The following SGCZ variants were observed in gnomAD, a reference collection of about 807,000 sequenced individuals.
SGCZ encodes sarcoglycan zeta.
SGCZ carries 40 observed loss-of-function variants against 41.3 expected under a neutral mutation model. That is an observed-to-expected ratio of 0.97 (90% CI 0.75 to 1.26). The LOEUF (loss-of-function observed/expected upper bound fraction) is 1.26. Among genes scored for constraint, SGCZ ranks in the 50% most tolerant of loss-of-function variants. The pLI, the probability that SGCZ is intolerant of heterozygous loss-of-function variation, is 0.00. For missense variants in SGCZ, 552 were observed against 369.8 expected (o/e 1.49, Z -4.04); for synonymous variants, 206 against 137.5 (o/e 1.50, Z -3.49).
At position 14,312,787 on chromosome 8, in the gene SGCZ, T is replaced by G. The variant is rs897312330; in HGVS notation, c.336+11316A>C. 7.2e-5 allele frequency among the ~76,000 whole-genome samples: 11 copies of G among 152,330 alleles called. No homozygotes were observed. In the East Asian group the frequency reaches 1.4e-3, roughly 19 times the overall value. On this transcript the variant is annotated intron_variant, in intron 3 of 7. Coordinates refer to ENST00000382080, the MANE Select transcript of SGCZ (RefSeq NM_139167.4). ...ACTGGAGAGTGGCATCAATATGATA[T>G]GGCTCCATGTTTCTTTATGCAAACA...
chr8:14,276,264 G>C (rs537646314), intron 3 of SGCZ, among the ~76,000 whole-genome samples: 1 of 152,128 alleles, frequency 6.6e-6, no homozygotes, highest in Non-Finnish European at 1.5e-5. Context: ...ATTTACTTGA[G>C]CCTCAACTGA....
intron 1 of SGCZ, among the ~76,000 whole-genome samples, chr8:15,094,445 T>C (rs1412145822): frequency 1.3e-5 from 2 of 152,160 alleles, no homozygotes; most frequent in Non-Finnish European, 2.9e-5. Flanking sequence ...ACAGGCCAGT[T>C]GCTTTAGATT....
At chr8:14,892,240 G>A (rs1310456433) in intron 1 of SGCZ, among the ~76,000 whole-genome samples, 2 of 152,148 alleles carry the variant, frequency 1.3e-5, no homozygotes, top group Non-Finnish European at 2.9e-5. Context: ...TAGGCCTTCA[G>A]GTAATGTAAC....
chr8:14,694,660 G>A (rs921946559), intron 1 of SGCZ, among the ~76,000 whole-genome samples: 5 of 152,126 alleles, frequency 3.3e-5, no homozygotes, highest in African/African-American at 9.7e-5. Context: ...ATCTAACACG[G>A]TGCCAGGCTC....
chr8:14,244,969 C>T (rs1799034340), intron 3 of SGCZ, among the ~76,000 whole-genome samples: 1 of 152,068 alleles, frequency 6.6e-6, no homozygotes, highest in Non-Finnish European at 1.5e-5. Context: ...GCTGAAGTTG[C>T]TTATCAGCTT....
In SGCZ at chr8:14,089,881, A is replaced by ATTGTT. The variant is rs1368841188; in HGVS notation, c.*557_*561dup. ...AGGAAAACTCAGGGAGAGATTCTGT[A>ATTGTT]TTGTTTTGTTTTGTTCTGTTTTGTT... On this transcript the variant is annotated 3_prime_UTR_variant, in exon 8 of 8. Coordinates refer to ENST00000382080, the MANE Select transcript of SGCZ (RefSeq NM_139167.4). The ATTGTT allele has an allele frequency of 1.3e-5, 2 of 152,478 alleles. No individual in the cohort carries two copies. Among genetic ancestry groups the ATTGTT allele is most frequent in the Non-Finnish European group, 2.9e-5 (2 of 67,988 alleles). The allele number at this position is 152,478 out of a possible 1,614,324, so 9.4% of individuals were successfully genotyped here.
At chr8:14,624,971 T>G (rs1322612209) in intron 1 of SGCZ, among the ~76,000 whole-genome samples, 1 of 152,160 alleles carries the variant, frequency 6.6e-6, no homozygotes, top group Non-Finnish European at 1.5e-5. Context: ...TTAGATATGG[T>G]CATTCACCAC....
intron 4 of SGCZ, among the ~76,000 whole-genome samples, chr8:14,177,705 T>C (rs1199538659): frequency 6.8e-6 from 1 of 147,884 alleles, no homozygotes; most frequent in East Asian, 2.0e-4. Context: ...TTTGTATTTT[T>C]AGTAGAGACG....
intron 1 of SGCZ, among the ~76,000 whole-genome samples, chr8:15,006,704 T>G (rs1316262219): frequency 6.6e-6 from 1 of 152,176 alleles, no homozygotes; most frequent in Admixed American, 6.5e-5. Context: ...GTCAAAAGAT[T>G]AATTAGACTC....
At chr8:14,200,308 C>A (rs1563181783) in intron 4 of SGCZ, among the ~76,000 whole-genome samples, 1 of 152,140 alleles carries the variant, frequency 6.6e-6, no homozygotes, top group East Asian at 1.9e-4. Context: ...ATAGTCCATG[C>A]ATTCTCAATA....
intron 1 of SGCZ, among the ~76,000 whole-genome samples, chr8:14,620,633 C>T (rs78759155): frequency 0.19 from 29,550 of 151,992 alleles, 3,634 homozygotes; most frequent in Non-Finnish European, 0.28. Flanking sequence ...GCAAAGGATA[C>T]GAACAGACAC....
chr8:15,130,201 C>T (rs542587515), intron 1 of SGCZ, among the ~76,000 whole-genome samples: 1 of 152,020 alleles, frequency 6.6e-6, no homozygotes, highest in African/African-American at 2.4e-5. Flanking sequence ...AGGCTCCTGG[C>T]GAGCTGCAAA....
At chr8:14,372,633 T>G (rs1428299882) in intron 2 of SGCZ, among the ~76,000 whole-genome samples, 4 of 152,152 alleles carry the variant, frequency 2.6e-5, no homozygotes, top group African/African-American at 9.7e-5. Flanking sequence ...GATAGCATTT[T>G]GAACAAATAA....
At chr8:15,236,290 C>T (rs1301221786) in intron 1 of SGCZ, among the ~76,000 whole-genome samples, 2 of 152,210 alleles carry the variant, frequency 1.3e-5, no homozygotes, top group Non-Finnish European at 2.9e-5. Context: ...GAACTGGGCT[C>T]CTGCGTGCCC....
chr8:14,854,215 C>A (rs1411033441), intron 1 of SGCZ, among the ~76,000 whole-genome samples: 1 of 151,378 alleles, frequency 6.6e-6, no homozygotes, highest in Admixed American at 6.6e-5. Flanking sequence ...AATGCAGTAA[C>A]TTTTGACTTG....
intron 3 of SGCZ, among the ~76,000 whole-genome samples, chr8:14,303,997 C>G (rs1455761114): frequency 6.6e-6 from 1 of 152,048 alleles, no homozygotes; most frequent in African/African-American, 2.4e-5. Flanking sequence ...AGTGATACTC[C>G]TGCCTCGGCC....
chr8:15,160,455 G>T (rs1799478709), intron 1 of SGCZ, among the ~76,000 whole-genome samples: 1 of 152,188 alleles, frequency 6.6e-6, no homozygotes, highest in Admixed American at 6.5e-5. Flanking sequence ...ACAGACGTGT[G>T]AGACGAGAAT....
chr8:14,342,662 G>C (rs2117082289), intron 2 of SGCZ, among the ~76,000 whole-genome samples: 1 of 152,252 alleles, frequency 6.6e-6, no homozygotes, highest in Non-Finnish European at 1.5e-5. Context: ...GGTGACTTGG[G>C]TGCTATTAAA....
chr8:14,090,480 G>A lies in SGCZ; in HGVS notation c.902C>T (p.Thr301Ile), dbSNP rs879045573. ...GCAGATGTTGCTACTGGACTGACAA[G>A]TGGAACCTACTCCTGCTGGAGAAAG... ...LYLSPAGVGS[T>I]CQSSSNICLW... Residue 301 changes from threonine to isoleucine, a missense_variant, in exon 8 of 8, where the codon ACT (threonine) becomes ATT (isoleucine). Transcript: ENST00000382080. 4 of 1,613,020 alleles carry A rather than the reference G, an allele frequency of 2.5e-6. No homozygotes were observed. Among genetic ancestry groups the A allele is most frequent in the South Asian group, 1.1e-5 (1 of 91,044 alleles).
Sources: allele counts gnomAD v4.1 joint callset (sites outside exome capture counted in the v4.1 genomes callset), GRCh38; gene constraint gnomAD v4.1.1; transcripts MANE v1.5; gene names NCBI Gene and HGNC (gene_info 2026-07-23, HGNC 2026-07-21).